The following ESYT1 variants were observed in gnomAD, a reference collection of about 807,000 sequenced individuals.
ESYT1 encodes extended synaptotagmin-1.
In ESYT1, 116 loss-of-function variants were observed where a neutral mutation model predicts 154.2. That is an observed-to-expected ratio of 0.75 (90% CI 0.65 to 0.88). The LOEUF (loss-of-function observed/expected upper bound fraction) is 0.88, where lower values mean the gene tolerates loss of function less well. ESYT1 is among the 40% of genes least tolerant of loss of function. The probability of loss-of-function intolerance (pLI) is 0.00; values close to 1 mark genes in which losing one functional copy is unlikely to be tolerated. For missense variants in ESYT1, 1,264 were observed against 1,379.3 expected (o/e 0.92, Z 1.32); for synonymous variants, 500 against 539.9 (o/e 0.93, Z 1.02).
chr12:56,137,356 A>G lies in ESYT1; in HGVS notation c.1921A>G (p.Ser641Gly). 6.2e-7 allele frequency: 1 copy of G among 1,614,180 alleles called. No individual in the cohort carries two copies. The highest frequency in any genetic ancestry group is 8.5e-7 in the Non-Finnish European group (1 of 1,180,032). ...TCGACCCTGTCACACGACTCCTGAT[A>G]GCCAGTTTGGGACTGAGGTGAGTCT... The part of the protein sequence containing the change: ...PPRPCHTTPD[S>G]QFGTEHVLRI... The change falls in exon 17 of 31, where the codon AGC (serine) becomes GGC (glycine). Residue 641 changes from serine to glycine, a missense_variant. By Grantham distance (56) the Ser-to-Gly change is moderately conservative. Coordinates refer to ENST00000394048, the MANE Select transcript of ESYT1 (RefSeq NM_015292.3).
Position 56,144,159 on chromosome 12 carries a change from C to A in ESYT1, c.*297C>A. 1 of 1,346,392 alleles carries A rather than the reference C, an allele frequency of 7.4e-7. No individual in the cohort carries two copies. Among genetic ancestry groups the A allele is most frequent in the Non-Finnish European group, 9.6e-7 (1 of 1,046,134 alleles). The allele number at this position is 1,346,392 out of a possible 1,614,324, so 83.4% of individuals were successfully genotyped here. A position where few individuals can be genotyped will look rare whatever the true frequency, so the allele number is the denominator to read the frequency against. On this transcript the variant is annotated 3_prime_UTR_variant, in exon 31 of 31. Transcript: ENST00000394048. ...CCCAACTCCTCAGGGCCTTCTGTAT[C>A]TGTGCCTGGCCAGTGGCAGCACTAG...
At chr12:56,139,102 A>T in intron 24 of ESYT1, 89 bp downstream of exon 24, 1 of 1,004,054 alleles carries the variant, frequency 1.0e-6, no homozygotes, top group Non-Finnish European at 1.5e-6. Flanking sequence ...GATGAGATAA[A>T]AGGTTGACTT....
chr12:56,132,935 A>G, intron 10 of ESYT1, 134 bp downstream of exon 10: 1 of 721,394 alleles, frequency 1.4e-6, no homozygotes, highest in East Asian at 2.8e-5. Context: ...CCTGGCTAAC[A>G]CGGTGAAACC....
chr12:56,135,671 C>G (rs1228367113), intron 15 of ESYT1, among the ~76,000 whole-genome samples: 1 of 151,532 alleles, frequency 6.6e-6, no homozygotes, highest in Admixed American at 6.6e-5. Flanking sequence ...GCAGGTGGAT[C>G]ACCTGAGGTC....
chr12:56,139,331 C>T (rs1385868646), intron 24 of ESYT1, among the ~76,000 whole-genome samples: 1 of 151,668 alleles, frequency 6.6e-6, no homozygotes, highest in Non-Finnish European at 1.5e-5. Flanking sequence ...AGGCTGGTCT[C>T]GAACTCCTGA....
intron 15 of ESYT1, among the ~76,000 whole-genome samples, chr12:56,136,336 A>G (rs2136877548): frequency 6.6e-6 from 1 of 152,230 alleles, no homozygotes; most frequent in African/African-American, 2.4e-5. Context: ...GCAGAGGACT[A>G]TAAAAGATGG....
Position 56,134,355 on chromosome 12 carries a change from CCAA to C in ESYT1, c.1561_1563del (p.Asn521del). On this transcript the variant is annotated inframe_deletion, in exon 15 of 31. Transcript: ENST00000394048. Reference sequence around the variant, plus strand: ...CTACATCTCCAGGCTGTCTACAGTACCAACTGCCCAGTGTGGGAGGAAGCGTTC... The same window carrying C: ...CTACATCTCCAGGCTGTCTACAGTACCTGCCCAGTGTGGGAGGAAGCGTTC... The C allele has an allele frequency of 1.9e-6, 3 of 1,614,078 alleles. No homozygotes were observed. Among genetic ancestry groups the C allele is most frequent in the Non-Finnish European group, 2.5e-6 (3 of 1,179,970 alleles).
chr12:56,134,484 C>G, intron 15 of ESYT1, 56 bp downstream of exon 15: 1 of 1,455,068 alleles, frequency 6.9e-7, no homozygotes, highest in Non-Finnish European at 9.7e-7. Flanking sequence ...CTTCCCAGAT[C>G]TGTACCATTT....
intron 13 of ESYT1, 74 bp from the exon 14 acceptor site, chr12:56,134,036 C>T (rs1452816195): frequency 1.1e-5 from 17 of 1,579,112 alleles, no homozygotes; most frequent in East Asian, 2.3e-5. Flanking sequence ...GATTCTGATG[C>T]GATCCCACCT....
At position 56,144,548 on chromosome 12, in the gene ESYT1, G is replaced by A. The variant is rs1206396292; in HGVS notation, c.*686G>A. 1 of 985,402 alleles carries A rather than the reference G, an allele frequency of 1.0e-6. No individual in the cohort carries two copies. Among genetic ancestry groups the A allele is most frequent in the Non-Finnish European group, 1.2e-6 (1 of 830,028 alleles). The allele number at this position is 985,402 out of a possible 1,614,324, so 61.0% of individuals were successfully genotyped here. A position where few individuals can be genotyped will look rare whatever the true frequency, so the allele number is the denominator to read the frequency against. On this transcript the variant is annotated 3_prime_UTR_variant, in exon 31 of 31. Transcript: ENST00000394048. ...GGGCTTTGGAGGACTTGGGACAGCAGGGCCAATTTTTTTGCCCAAGTGCCT... is the reference window on the plus strand; with the variant it reads ...GGGCTTTGGAGGACTTGGGACAGCAAGGCCAATTTTTTTGCCCAAGTGCCT...
Position 56,142,588 on chromosome 12 carries a change from C to G in ESYT1, c.2744C>G (p.Ser915Cys), listed in dbSNP as rs1298868830. Residue 915 changes from serine (S) to cysteine (C), a missense_variant, in exon 26 of 31, where the codon TCC becomes TGC. Ser to Cys is a moderately radical substitution (Grantham distance 112, BLOSUM62 -1). Coordinates refer to ENST00000394048, the MANE Select transcript of ESYT1 (RefSeq NM_015292.3). The surrounding 1 kb of genome is among the most constrained non-coding windows in gnomAD (Gnocchi z 4.1). The part of the protein sequence containing the change: ...LLRAQLGILV[S>C]QHSGVEAHSH... ...CTTTCTTGCCCCTAGATCCTGGTGTCCCAGCACTCGGGAGTGGAAGCTCAT... is the reference window on the plus strand; with the variant it reads ...CTTTCTTGCCCCTAGATCCTGGTGTGCCAGCACTCGGGAGTGGAAGCTCAT... The G allele has an allele frequency of 2.5e-6, 4 of 1,614,140 alleles. No homozygotes were observed. Among genetic ancestry groups the G allele is most frequent in the Non-Finnish European group, 3.4e-6 (4 of 1,180,030 alleles).
In ESYT1 at chr12:56,142,911, G is replaced by T; in HGVS notation, c.2965G>T (p.Val989Phe). ...LWYYSEERKL[V>F]SIVHGCRSLR... Reference sequence around the variant, plus strand: ...GTACTACAGTGAAGAACGAAAGCTGGTCAGCATTGTTCATGGTTGCCGGTG... The same window carrying T: ...GTACTACAGTGAAGAACGAAAGCTGTTCAGCATTGTTCATGGTTGCCGGTG... Residue 989 changes from valine (V) to phenylalanine (F), a missense_variant, in exon 27 of 31, where the codon GTC (valine) becomes TTC (phenylalanine). Transcript: ENST00000394048. This position sits in a 1 kb window ranked among gnomAD's most constrained non-coding sequence, Gnocchi z 4.1. 1 of 1,614,158 alleles carries T rather than the reference G, an allele frequency of 6.2e-7. No individual in the cohort carries two copies. The highest frequency in any genetic ancestry group is 8.5e-7 in the Non-Finnish European group (1 of 1,180,038).
In ESYT1 at chr12:56,128,302, C is replaced by T. The variant is rs1237156614; in HGVS notation, c.-18C>T. On this transcript the variant is annotated 5_prime_UTR_variant, in exon 1 of 31. Coordinates refer to ENST00000394048, the MANE Select transcript of ESYT1 (RefSeq NM_015292.3). ...CAGCCAGTCCCTGGGTCGGGCGGAT[C>T]CTCCCAGAGGTGGCACAATGGAGCG... 1.3e-6 allele frequency: 2 copies of T among 1,597,416 alleles called. No homozygotes were observed. The highest frequency in any genetic ancestry group is 1.7e-6 in the Non-Finnish European group (2 of 1,174,588).
rs759780762 is a variant in ESYT1 at position 56,142,856 on chromosome 12, G to A, written c.2910G>A (p.Gly970=). The A allele has an allele frequency of 6.2e-7, 1 of 1,614,204 alleles. No homozygotes were observed. Among genetic ancestry groups the A allele is most frequent in the African/African-American group, 1.3e-5 (1 of 75,056 alleles). The change falls in exon 27 of 31, where the codon GGG becomes GGA. Residue 970 remains glycine (G), a synonymous_variant. Coordinates refer to ENST00000394048, the MANE Select transcript of ESYT1 (RefSeq NM_015292.3). The surrounding 1 kb of genome is among the most constrained non-coding windows in gnomAD (Gnocchi z 4.1). ...HVDSPLEAPA[G]PLGQVKLTLW... ...ACAGTCCCCTTGAGGCTCCAGCCGG[G>A]CCTCTGGGCCAGGTGAAACTGACTC...
rs1020508282 is a variant in ESYT1 at position 56,144,111 on chromosome 12, C to T, written c.*249C>T. On this transcript the variant is annotated 3_prime_UTR_variant, in exon 31 of 31. Coordinates refer to ENST00000394048, the MANE Select transcript of ESYT1 (RefSeq NM_015292.3). ...CCTGAGCTGGCTGTTTCCTGCTTTG[C>T]CTGCACATTGTTCTCCCTTCCTCCC... 4.2e-6 allele frequency: 6 copies of T among 1,412,910 alleles called. No homozygotes were observed. The highest frequency in any genetic ancestry group is 1.4e-5 in the African/African-American group (1 of 69,464). 87.5% of individuals were successfully genotyped at this position (1,412,910 alleles called of 1,614,324 possible).
rs776268456 is a variant in ESYT1, at chr12:56,142,950, C to T, written c.2987+17C>T. ...TGGTTGCCGGTGAGACCCCATCCCT[C>T]CTGTCCTCCAGATCGCCTCCATCCC... On this transcript the variant is annotated intron_variant, in intron 27 of 30. Transcript: ENST00000394048. The surrounding 1 kb of genome is among the most constrained non-coding windows in gnomAD (Gnocchi z 4.1). 2 of 1,614,020 alleles carry T rather than the reference C, an allele frequency of 1.2e-6. No individual in the cohort carries two copies. Among genetic ancestry groups the T allele is most frequent in the Admixed American group, 1.7e-5 (1 of 59,996 alleles).
In ESYT1 at chr12:56,142,188, A is replaced by T; in HGVS notation, c.2593-97A>T. The T allele has an allele frequency of 7.0e-7, 1 of 1,428,238 alleles. No individual in the cohort carries two copies. Among genetic ancestry groups the T allele is most frequent in the Non-Finnish European group, 9.5e-7 (1 of 1,049,710 alleles). The allele number at this position is 1,428,238 out of a possible 1,614,324, so 88.5% of individuals were successfully genotyped here. ...CTTTCTCAAAGGGAAATCTCACCAA[A>T]CCACCTATGAGTCCAAGCGTTTGGA... On this transcript the variant is annotated intron_variant, in intron 24 of 30. Coordinates refer to ENST00000394048, the MANE Select transcript of ESYT1 (RefSeq NM_015292.3). The surrounding 1 kb of genome is among the most constrained non-coding windows in gnomAD (Gnocchi z 4.1).
Position 56,134,366 on chromosome 12 carries a change from G to C in ESYT1, c.1570G>C (p.Val524Leu). The C allele has an allele frequency of 6.2e-7, 1 of 1,614,166 alleles. No homozygotes were observed. The highest frequency in any genetic ancestry group is 8.5e-7 in the Non-Finnish European group (1 of 1,180,022). ...SKAVYSTNCP[V>L]WEEAFRFFLQ... is the part of the protein sequence containing the mutation. ...GGCTGTCTACAGTACCAACTGCCCA[G>C]TGTGGGAGGAAGCGTTCCGGTTCTT... The change falls in exon 15 of 31, where the codon GTG becomes CTG. Residue 524 changes from valine (V) to leucine (L), a missense_variant. By Grantham distance (32) the Val-to-Leu change is conservative. Transcript: ENST00000394048.
intron 15 of ESYT1, 144 bp downstream of exon 15, chr12:56,134,572 T>A: frequency 1.4e-6 from 1 of 717,884 alleles, no homozygotes; most frequent in Non-Finnish European, 2.5e-6. Context: ...TATCTCTCCA[T>A]TGTTCCCCAA....
Sources: allele counts gnomAD v4.1 joint callset (sites outside exome capture counted in the v4.1 genomes callset), GRCh38; gene constraint gnomAD v4.1.1; non-coding constraint Gnocchi (gnomAD v3.1); transcripts MANE v1.5; gene names NCBI Gene and HGNC (gene_info 2026-07-23, HGNC 2026-07-21).